The following SPTBN1 variants were observed in gnomAD, a reference collection of about 807,000 sequenced individuals.
The protein encoded by SPTBN1 is spectrin beta, non-erythrocytic 1.
In SPTBN1, 32 loss-of-function variants were observed where a neutral mutation model predicts 266.4. That is an observed-to-expected ratio of 0.12 (90% CI 0.09 to 0.16). SPTBN1 has a LOEUF of 0.16. Ranked by LOEUF, SPTBN1 falls within the 10% of genes least tolerant of loss-of-function variation. The probability of loss-of-function intolerance (pLI) is 1.00; values close to 1 mark genes in which losing one functional copy is unlikely to be tolerated. For missense variants in SPTBN1, 2,296 were observed against 3,067.1 expected (o/e 0.75, Z 5.94); for synonymous variants, 1,336 against 1,162.2 (o/e 1.15, Z -3.04).
At chr2:54,600,006 T>C (rs1373936737) in intron 3 of SPTBN1, among the ~76,000 whole-genome samples, 1 of 152,192 alleles carries the variant, frequency 6.6e-6, no homozygotes, top group African/African-American at 2.4e-5. Context: ...GTGGAAGTGG[T>C]GCCGAGCCAG....
Position 54,631,067 on chromosome 2 carries a change from C to T in SPTBN1, c.3020C>T (p.Ala1007Val), listed in dbSNP as rs747380176. ...ACCGGCATGGAGCGGGACTTGGTGG[C>T]CATTGAGGCAAAGCTGAGTGACCTG... ...KLTGMERDLV[A>V]IEAKLSDLQK... is the part of the protein sequence containing the mutation. Residue 1007 changes from alanine to valine, a missense_variant, in exon 16 of 36, where the codon GCC becomes GTC. Transcript: ENST00000356805. 4 of 1,613,968 alleles carry T rather than the reference C, an allele frequency of 2.5e-6. No homozygotes were observed. The highest frequency in any genetic ancestry group is 1.7e-5 in the Admixed American group (1 of 60,030).
intron 1 of SPTBN1, among the ~76,000 whole-genome samples, chr2:54,463,175 C>G (rs1196850078): frequency 6.6e-6 from 1 of 150,974 alleles, no homozygotes; most frequent in East Asian, 2.0e-4. Flanking sequence ...TGTGAAGGCC[C>G]AATCCTATGC....
At position 54,526,377 on chromosome 2, in the gene SPTBN1, TAAG is replaced by T. The variant is rs1670815672; in HGVS notation, c.-38_-36del. The stretch of plus-strand genomic sequence containing the variant: ...TTTCCTTTTCTTTCTCATAGAACTC[TAAG>T]AAGGAGCTGATGTGGAGGAGCAGCT... On this transcript the variant is annotated 5_prime_UTR_variant, in exon 2 of 36. Coordinates refer to ENST00000356805, the MANE Select transcript of SPTBN1 (RefSeq NM_003128.3). The T allele has an allele frequency of 6.2e-7, 1 of 1,608,464 alleles. No individual in the cohort carries two copies. Among genetic ancestry groups the T allele is most frequent in the South Asian group, 1.1e-5 (1 of 90,438 alleles).
chr2:54,511,912 T>C (rs1051849729), intron 1 of SPTBN1, among the ~76,000 whole-genome samples: 1 of 152,176 alleles, frequency 6.6e-6, no homozygotes, highest in Non-Finnish European at 1.5e-5. Flanking sequence ...CACCATGATA[T>C]AGAATCAGTG....
rs1188033074 is a variant in SPTBN1 at position 54,558,540 on chromosome 2, G to C, written c.148+31974G>C. 2 of 1,272,948 alleles carry C rather than the reference G, an allele frequency of 1.6e-6. No homozygotes were observed. The highest frequency in any genetic ancestry group is 3.1e-5 in the African/African-American group (2 of 64,706). 78.9% of individuals were successfully genotyped at this position (1,272,948 alleles called of 1,614,324 possible). A position where few individuals can be genotyped will look rare whatever the true frequency, so the allele number is the denominator to read the frequency against. Reference sequence around the variant, plus strand: ...TAATTTATTTCGAGCTTCCAGGCAAGGGCCACGGAAGAAGGGAAAGCAAGA... The same window carrying C: ...TAATTTATTTCGAGCTTCCAGGCAACGGCCACGGAAGAAGGGAAAGCAAGA... On this transcript the variant is annotated intron_variant, in intron 2 of 35. Transcript: ENST00000356805. This position sits in a 1 kb window ranked among gnomAD's most constrained non-coding sequence, Gnocchi z 4.6.
At chr2:54,589,320 C>T (rs1675510209) in intron 2 of SPTBN1, among the ~76,000 whole-genome samples, 1 of 152,106 alleles carries the variant, frequency 6.6e-6, no homozygotes, top group African/African-American at 2.4e-5. Context: ...GGTGACAGAG[C>T]CTCATTTCTC....
intron 1 of SPTBN1, among the ~76,000 whole-genome samples, chr2:54,467,342 G>C (rs1344384695): frequency 2.0e-5 from 3 of 152,086 alleles, no homozygotes; most frequent in African/African-American, 7.2e-5. Context: ...TTTGATCTGT[G>C]ATGTTTAAAC....
intron 2 of SPTBN1, among the ~76,000 whole-genome samples, chr2:54,561,076 T>C (rs1434803258): frequency 1.3e-5 from 2 of 152,256 alleles, no homozygotes; most frequent in Non-Finnish European, 2.9e-5. Context: ...TTTACTCTTC[T>C]GAGTATAATC....
intron 19 of SPTBN1, among the ~76,000 whole-genome samples, chr2:54,643,511 A>T (rs1324223193): frequency 6.6e-6 from 1 of 152,134 alleles, no homozygotes; most frequent in Non-Finnish European, 1.5e-5. Flanking sequence ...CATATTTTTT[A>T]AAATTGCTTT....
intron 1 of SPTBN1, among the ~76,000 whole-genome samples, chr2:54,506,607 C>T (rs1033513604): frequency 1.4e-5 from 2 of 140,518 alleles, no homozygotes; most frequent in Admixed American, 1.5e-4. Flanking sequence ...AAAGTTTGTT[C>T]ATTAAACATT....
chr2:54,513,468 T>C (rs1669961414), intron 1 of SPTBN1, among the ~76,000 whole-genome samples: 1 of 152,216 alleles, frequency 6.6e-6, no homozygotes, highest in South Asian at 2.1e-4. Flanking sequence ...CAGGCACATA[T>C]GATACTAACT....
intron 2 of SPTBN1, among the ~76,000 whole-genome samples, chr2:54,578,470 TGCTGCTGCC>T (rs1466380856): frequency 2.0e-5 from 3 of 151,834 alleles, no homozygotes; most frequent in Non-Finnish European, 2.9e-5. Context: ...CTGCTGCTGC[TGCTGCTGCC>T]AAGTATAAGT....
chr2:54,516,171 C>T (rs1233904183), intron 1 of SPTBN1: 1 of 152,216 alleles, frequency 6.6e-6, no homozygotes, highest in Non-Finnish European at 1.5e-5. Context: ...GCTTTGGAGT[C>T]ATACCCACTT....
intron 2 of SPTBN1, among the ~76,000 whole-genome samples, chr2:54,529,013 C>G (rs921294553): frequency 6.6e-6 from 1 of 152,166 alleles, no homozygotes; most frequent in African/African-American, 2.4e-5. Context: ...CTCTTGAGTC[C>G]TCTAAAAAAC....
intron 24 of SPTBN1, among the ~76,000 whole-genome samples, chr2:54,648,089 G>C (rs1680036171): frequency 6.6e-6 from 1 of 152,210 alleles, no homozygotes; most frequent in Non-Finnish European, 1.5e-5. Context: ...GAAGAGGTGA[G>C]TGTGTGGTAC....
At chr2:54,507,138 G>A (rs965147681) in intron 1 of SPTBN1, among the ~76,000 whole-genome samples, 6 of 152,198 alleles carry the variant, frequency 3.9e-5, no homozygotes, top group East Asian at 1.9e-4. Context: ...TACATTGATC[G>A]GTTAGGGTGG....
At chr2:54,657,823 T>C in intron 29 of SPTBN1, 27 bp from the exon 30 acceptor site, 1 of 1,613,814 alleles carries the variant, frequency 6.2e-7, no homozygotes, top group Non-Finnish European at 8.5e-7. Flanking sequence ...CTGGTCAACG[T>C]GTACTAACTC....
intron 1 of SPTBN1, among the ~76,000 whole-genome samples, chr2:54,497,807 G>C (rs1218179760): frequency 6.6e-6 from 1 of 152,060 alleles, no homozygotes; most frequent in African/African-American, 2.4e-5. Flanking sequence ...ACTGAATTTT[G>C]GGAAGGGCTA....
rs1001015906 is a variant in SPTBN1, at chr2:54,468,035, G to A, written c.-48+11517G>A. ...ATATTTTAGTGTTTCTCGGCCAGGTGCGGTGGCTCACGCCTCTAATGCCAG... is the reference window on the plus strand; with the variant it reads ...ATATTTTAGTGTTTCTCGGCCAGGTACGGTGGCTCACGCCTCTAATGCCAG... On this transcript the variant is annotated intron_variant, in intron 1 of 35. Transcript: ENST00000356805. 5.9e-5 allele frequency among the ~76,000 whole-genome samples: 9 copies of A among 152,254 alleles called. No individual in the cohort carries two copies. The South Asian group carries it at 1.9e-3, about 32-fold the overall frequency.
Sources: allele counts gnomAD v4.1 joint callset (sites outside exome capture counted in the v4.1 genomes callset), GRCh38; gene constraint gnomAD v4.1.1; non-coding constraint Gnocchi (gnomAD v3.1); transcripts MANE v1.5; gene names NCBI Gene and HGNC (gene_info 2026-07-23, HGNC 2026-07-21).